The following IGSF21 variants were observed in gnomAD, a reference collection of about 807,000 sequenced individuals.
The protein encoded by IGSF21 is immunoglobulin superfamily member 21.
Under a neutral mutation model 46.8 loss-of-function variants are expected in IGSF21, and 28 were observed. The observed-to-expected ratio is 0.60, with a 90% CI of 0.44 to 0.82. The LOEUF (loss-of-function observed/expected upper bound fraction) is 0.82. IGSF21 is among the 40% of genes least tolerant of loss of function. IGSF21 has a pLI of 0.00. For synonymous variants in IGSF21, 284 were observed against 273.6 expected, an observed-to-expected ratio of 1.04 and a Z score of -0.38; for missense variants, 624 against 665.5, an observed-to-expected ratio of 0.94 and a Z score of 0.69.
chr1:18,258,096 T>G (rs2084908459), intron 2 of IGSF21, among the ~76,000 whole-genome samples: 1 of 152,190 alleles, frequency 6.6e-6, no homozygotes, highest in African/African-American at 2.4e-5. Flanking sequence ...CTTCAATTCC[T>G]TTGGGACAGT....
At chr1:18,238,200 T>C (rs894329716) in intron 2 of IGSF21, among the ~76,000 whole-genome samples, 1 of 152,132 alleles carries the variant, frequency 6.6e-6, no homozygotes, top group Admixed American at 6.6e-5. Context: ...CACTCTTGGG[T>C]CATCAAGGTC....
At chr1:18,321,201 G>T (rs1246481031) in intron 3 of IGSF21, among the ~76,000 whole-genome samples, 1 of 152,178 alleles carries the variant, frequency 6.6e-6, no homozygotes, top group Admixed American at 6.5e-5. Flanking sequence ...AGACAAAAGG[G>T]TCTGCCCTTG....
intron 6 of IGSF21, among the ~76,000 whole-genome samples, chr1:18,373,036 G>A (rs1361061035): frequency 6.6e-5 from 10 of 152,270 alleles, no homozygotes; most frequent in African/African-American, 2.4e-4. Context: ...TATATGTCCA[G>A]GATCTTTTTC....
chr1:18,211,060 T>C (rs958115229), intron 1 of IGSF21, among the ~76,000 whole-genome samples: 3 of 152,078 alleles, frequency 2.0e-5, no homozygotes, highest in African/African-American at 4.8e-5. Context: ...TTAGTAGAGA[T>C]GGGGTTTCAC....
In IGSF21 at chr1:18,107,801, T is replaced by C. The variant is rs954113269; in HGVS notation, c.-328T>C. On this transcript the variant is annotated 5_prime_UTR_variant, in exon 1 of 10. Transcript: ENST00000251296. ...GCGAGCGCGAGGCAGAGAGCGCGATTCGGCTCCAAACTCCGGCGCTGCAGC... is the reference window on the plus strand; with the variant it reads ...GCGAGCGCGAGGCAGAGAGCGCGATCCGGCTCCAAACTCCGGCGCTGCAGC... 6.6e-6 allele frequency: 1 copy of C among 152,262 alleles called. No homozygotes were observed. The highest frequency in any genetic ancestry group is 1.5e-5 in the Non-Finnish European group (1 of 68,744). 9.4% of individuals were successfully genotyped at this position (152,262 alleles called of 1,614,324 possible). A position where few individuals can be genotyped will look rare whatever the true frequency, so the allele number is the denominator to read the frequency against.
At chr1:18,331,225 C>T (rs754252219) in intron 3 of IGSF21, among the ~76,000 whole-genome samples, 2 of 152,120 alleles carry the variant, frequency 1.3e-5, no homozygotes, top group Non-Finnish European at 2.9e-5. Flanking sequence ...GCAGTATGCC[C>T]TATCCCAATT....
At chr1:18,267,629 G>T (rs963467585) in intron 2 of IGSF21, among the ~76,000 whole-genome samples, 1 of 152,232 alleles carries the variant, frequency 6.6e-6, no homozygotes, top group Non-Finnish European at 1.5e-5. Context: ...GGAGAAGAGG[G>T]TAGCTCTGCG....
chr1:18,176,830 G>T (rs1352328753), intron 1 of IGSF21, among the ~76,000 whole-genome samples: 1 of 152,210 alleles, frequency 6.6e-6, no homozygotes, highest in East Asian at 1.9e-4. Context: ...GGGATTAGGG[G>T]GCTTTGGGGG....
chr1:18,160,063 C>A (rs1463293184), intron 1 of IGSF21, among the ~76,000 whole-genome samples: 1 of 152,118 alleles, frequency 6.6e-6, no homozygotes, highest in Non-Finnish European at 1.5e-5. Flanking sequence ...GGTCCAGGTC[C>A]TCAGAGGACA....
At chr1:18,152,310 A>C (rs1194428176) in intron 1 of IGSF21, among the ~76,000 whole-genome samples, 1 of 152,186 alleles carries the variant, frequency 6.6e-6, no homozygotes, top group East Asian at 1.9e-4. Context: ...TCAAGGTTTT[A>C]ACTGCGTTCC....
intron 1 of IGSF21, among the ~76,000 whole-genome samples, chr1:18,215,347 C>A (rs989018359): frequency 6.6e-6 from 1 of 152,182 alleles, no homozygotes; most frequent in African/African-American, 2.4e-5. Context: ...CAGAGACAGG[C>A]ATTTGGCCCG....
At chr1:18,131,332 C>T (rs2086319691) in intron 1 of IGSF21, among the ~76,000 whole-genome samples, 3 of 152,182 alleles carry the variant, frequency 2.0e-5, no homozygotes. Context: ...CTGATTTTCT[C>T]ATCTATACCT....
intron 1 of IGSF21, among the ~76,000 whole-genome samples, chr1:18,187,488 C>G (rs538257136): frequency 2.0e-5 from 3 of 152,210 alleles, no homozygotes; most frequent in Admixed American, 2.0e-4. Flanking sequence ...AATCAGAGAG[C>G]CAAGCAAAAG....
In IGSF21 at chr1:18,247,400, G is replaced by A. The variant is rs79704337; in HGVS notation, c.183+19390G>A. Among the ~76,000 whole-genome samples, 712 of 152,248 alleles carry A rather than the reference G, an allele frequency of 4.7e-3. 7 individuals are homozygous for A. Among genetic ancestry groups the A allele is most frequent in the African/African-American group, 0.016 (648 of 41,536 alleles). On this transcript the variant is annotated intron_variant, in intron 2 of 9. Coordinates refer to ENST00000251296, the MANE Select transcript of IGSF21 (RefSeq NM_032880.5). ...CTGCTGCCAGCCTCATCCACCACGT[G>A]TCTTTGTTGCCCTGGGTGGTGGCAG... is the stretch of plus-strand genomic sequence containing the variant.
intron 2 of IGSF21, among the ~76,000 whole-genome samples, chr1:18,273,903 C>T (rs982793786): frequency 3.3e-5 from 5 of 152,094 alleles, no homozygotes; most frequent in African/African-American, 1.2e-4. Context: ...AGTCTAACTC[C>T]TGGGTGTGGC....
intron 1 of IGSF21, among the ~76,000 whole-genome samples, chr1:18,159,153 AC>A (rs1209844854): frequency 2.0e-5 from 3 of 152,178 alleles, no homozygotes; most frequent in African/African-American, 7.2e-5. Context: ...TGTTCTATTG[AC>A]CCACTAGCCT....
intron 3 of IGSF21, among the ~76,000 whole-genome samples, chr1:18,295,492 C>T (rs223201): frequency 0.21 from 31,815 of 152,012 alleles, 3,913 homozygotes; most frequent in African/African-American, 0.34. Flanking sequence ...AAACCATGGG[C>T]GTGTAATGAA....
Position 18,233,331 on chromosome 1 carries a change from C to A in IGSF21, c.183+5321C>A, listed in dbSNP as rs148274901. Among the ~76,000 whole-genome samples the A allele has an allele frequency of 9.9e-4, 151 of 152,222 alleles. 1 individual carries two copies. Among genetic ancestry groups the A allele is most frequent in the African/African-American group, 3.1e-3 (130 of 41,516 alleles). ...TGATGCGACCTCGCCAGGTGATCGT[C>A]CCCTCTGGGTTCTGCTGGATGCCTC... On this transcript the variant is annotated intron_variant, in intron 2 of 9. Coordinates refer to ENST00000251296, the MANE Select transcript of IGSF21 (RefSeq NM_032880.5).
chr1:18,323,310 C>A (rs1030044700), intron 3 of IGSF21, among the ~76,000 whole-genome samples: 6 of 152,248 alleles, frequency 3.9e-5, no homozygotes, highest in Admixed American at 2.6e-4. Context: ...GGCCTCAGGA[C>A]AAAGGGCTTG....
Sources: allele counts gnomAD v4.1 joint callset (sites outside exome capture counted in the v4.1 genomes callset), GRCh38; gene constraint gnomAD v4.1.1; transcripts MANE v1.5; gene names NCBI Gene and HGNC (gene_info 2026-07-23, HGNC 2026-07-21).